The following FRMPD2 variants were observed in gnomAD, a reference collection of about 807,000 sequenced individuals.
FRMPD2 encodes FERM and PDZ domain-containing protein 2.
A neutral mutation model predicts 140.1 loss-of-function variants in FRMPD2; 96 were observed. The observed-to-expected ratio is 0.69, with a 90% CI of 0.58 to 0.81. FRMPD2 has a LOEUF of 0.81. Among genes scored for constraint, FRMPD2 ranks in the 40% least tolerant of loss-of-function variants. The pLI is 0.00. For synonymous variants in FRMPD2, 449 were observed against 547.6 expected (o/e 0.82, Z 2.52); for missense variants, 1,240 against 1,447.4 (o/e 0.86, Z 2.32).
At position 48,222,294 on chromosome 10, in the gene FRMPD2, C is replaced by G. The variant is rs768307400; in HGVS notation, c.1455+19G>C. Reference sequence around the variant, plus strand: ...TTTTCCAGTGACCCCACACAAAGGCCCCTGGTGTTCACCCCTACCTCCTTA... The same window carrying G: ...TTTTCCAGTGACCCCACACAAAGGCGCCTGGTGTTCACCCCTACCTCCTTA... On this transcript the variant is annotated intron_variant, in intron 12 of 28. Transcript: ENST00000374201. The G allele has an allele frequency of 3.7e-6, 6 of 1,610,726 alleles. No individual in the cohort carries two copies. The South Asian group carries it at 5.5e-5, about 15-fold the overall frequency.
chr10:48,238,542 T>C (rs749041151), intron 7 of FRMPD2, among the ~76,000 whole-genome samples: 1 of 152,206 alleles, frequency 6.6e-6, no homozygotes, highest in Non-Finnish European at 1.5e-5. Flanking sequence ...ATTGTTTTCA[T>C]TGGGAAAATA....
At chr10:48,265,445 G>A (rs1427766670) in intron 1 of FRMPD2, among the ~76,000 whole-genome samples, 3 of 151,972 alleles carry the variant, frequency 2.0e-5, no homozygotes, top group African/African-American at 4.8e-5. Flanking sequence ...CAGAGTAGGG[G>A]AAAATATTTG....
At chr10:48,181,885 C>CAT (rs1217214141) in intron 20 of FRMPD2, among the ~76,000 whole-genome samples, 2 of 6,230 alleles carry the variant, frequency 3.2e-4, no homozygotes. Context: ...ATATGGCTCT[C>CAT]ATACACACAC....
In FRMPD2 at chr10:48,192,904, G is replaced by A. The variant is rs1564420804; in HGVS notation, c.1955-10C>T. ...ACAAACTTATCATGGTCTGAATTTG[G>A]GGAGAAAAACATAGACATACACACA... On this transcript the variant is annotated splice_polypyrimidine_tract_variant and intron_variant, in intron 15 of 28. Transcript: ENST00000374201. 1 of 1,606,504 alleles carries A rather than the reference G, an allele frequency of 6.2e-7. No individual in the cohort carries two copies.
At chr10:48,209,240 A>C (rs76766829) in intron 13 of FRMPD2, among the ~76,000 whole-genome samples, 2,219 of 152,368 alleles carry the variant, frequency 0.015, 55 homozygotes, top group African/African-American at 0.048. Context: ...TGATTTCAAT[A>C]GCAAGAAAAA....
chr10:48,210,140 C>A (rs1781194965), intron 13 of FRMPD2, among the ~76,000 whole-genome samples: 1 of 152,016 alleles, frequency 6.6e-6, no homozygotes, highest in Non-Finnish European at 1.5e-5. Context: ...GGGAGAAAAC[C>A]TTTAACAAAC....
intron 10 of FRMPD2, among the ~76,000 whole-genome samples, chr10:48,229,550 T>C (rs1839801316): frequency 6.6e-6 from 1 of 152,162 alleles, no homozygotes; most frequent in Non-Finnish European, 1.5e-5. Context: ...TTAAAATGCA[T>C]GGGAAACATT....
At chr10:48,254,441 C>T (rs759646780) in intron 1 of FRMPD2, among the ~76,000 whole-genome samples, 14 of 152,244 alleles carry the variant, frequency 9.2e-5, no homozygotes, top group Non-Finnish European at 2.1e-4. Context: ...CTCCCTGTCC[C>T]TTGCTTACCA....
intron 1 of FRMPD2, among the ~76,000 whole-genome samples, chr10:48,255,954 C>T (rs991661158): frequency 6.6e-6 from 1 of 152,210 alleles, no homozygotes; most frequent in Non-Finnish European, 1.5e-5. Context: ...TGCCCGCAGA[C>T]CTCTTAGGCC....
chr10:48,222,806 A>G (rs1354991358), intron 11 of FRMPD2, among the ~76,000 whole-genome samples: 2 of 152,116 alleles, frequency 1.3e-5, no homozygotes, highest in Non-Finnish European at 2.9e-5. Context: ...TCCAACCCTC[A>G]TGACTGGGCT....
intron 20 of FRMPD2, among the ~76,000 whole-genome samples, chr10:48,181,858 C>CATATATATATATATAT (rs35165586): frequency 0.057 from 4,552 of 79,196 alleles, 476 homozygotes; most frequent in African/African-American, 0.14. Flanking sequence ...TATATTCCCT[C>CATATATATATATATAT]ATATATATAT....
At chr10:48,250,651 A>T (rs1406830665) in intron 2 of FRMPD2, among the ~76,000 whole-genome samples, 1 of 151,388 alleles carries the variant, frequency 6.6e-6, no homozygotes, top group Non-Finnish European at 1.5e-5. Flanking sequence ...CAGGTGATCC[A>T]CCCGCCTCGG....
Position 48,238,033 on chromosome 10 carries a change from T to C in FRMPD2, c.879A>G (p.Pro293=). ...GAAAACCCCTCTGAGAAGGAGTTGT[T>C]GGCCATGAGCTGTCTGCTGCCGAGT... is the stretch of plus-strand genomic sequence containing the variant. ...SVHSAADSSW[P]TTPSQRGFLQ... Residue 293 remains proline (P), a synonymous_variant, in exon 8 of 29, where the codon CCA becomes CCG. Coordinates refer to ENST00000374201, the MANE Select transcript of FRMPD2 (RefSeq NM_001018071.4). The C allele has an allele frequency of 6.2e-7, 1 of 1,614,172 alleles. No individual in the cohort carries two copies. Among genetic ancestry groups the C allele is most frequent in the Non-Finnish European group, 8.5e-7 (1 of 1,180,040 alleles).
chr10:48,187,372 G>A, intron 16 of FRMPD2, 80 bp from the exon 17 acceptor site: 1 of 1,202,958 alleles, frequency 8.3e-7, no homozygotes, highest in Non-Finnish European at 1.2e-6. Context: ...GCTCAGGGAG[G>A]CAACTTCTTG....
intron 12 of FRMPD2, among the ~76,000 whole-genome samples, chr10:48,215,642 G>A (rs1043772350): frequency 6.6e-6 from 1 of 152,144 alleles, no homozygotes; most frequent in Admixed American, 6.5e-5. Context: ...CTGCCTTTGG[G>A]GGCCACATGG....
At position 48,211,998 on chromosome 10, in the gene FRMPD2, T is replaced by G; in HGVS notation, c.1567A>C (p.Ser523Arg). The G allele has an allele frequency of 6.2e-7, 1 of 1,614,116 alleles. No homozygotes were observed. Among genetic ancestry groups the G allele is most frequent in the Non-Finnish European group, 8.5e-7 (1 of 1,180,008 alleles). Reference sequence around the variant, plus strand: ...GCATCCTCTCCCCACAGTGCAGAGCTGAGCCGGTGCATCTCTGAGACTTCA... The same window carrying G: ...GCATCCTCTCCCCACAGTGCAGAGCGGAGCCGGTGCATCTCTGAGACTTCA... ...QVEVSEMHRL[S>R]SALWGEDAEL... Residue 523 changes from serine to arginine, a missense_variant, in exon 13 of 29, where the codon AGC becomes CGC. Physicochemically the swap from Ser to Arg is moderately radical, Grantham distance 110. Around this residue, in one of 6 missense-constraint regions of FRMPD2, gnomAD observed 1,161 missense variants for 1,055.9 expected, o/e 1.10. Coordinates refer to ENST00000374201, the MANE Select transcript of FRMPD2 (RefSeq NM_001018071.4).
chr10:48,222,194 T>A, intron 12 of FRMPD2, 119 bp downstream of exon 12: 1 of 971,736 alleles, frequency 1.0e-6, no homozygotes, highest in Non-Finnish European at 1.5e-6. Flanking sequence ...TTTACTCCAA[T>A]CTAGCTGGTA....
intron 12 of FRMPD2, among the ~76,000 whole-genome samples, chr10:48,216,340 T>C (rs1839450352): frequency 6.6e-6 from 1 of 151,910 alleles, no homozygotes; most frequent in Non-Finnish European, 1.5e-5. Flanking sequence ...GATAAATAGA[T>C]GGATATCTTA....
At chr10:48,222,125 G>GTT in intron 12 of FRMPD2, among the ~76,000 whole-genome samples, 188 bp downstream of exon 12, 1 of 135,294 alleles carries the variant, frequency 7.4e-6, no homozygotes, top group Admixed American at 8.2e-5. Context: ...TCAATGAATA[G>GTT]GTGGATGGAT....
Sources: allele counts gnomAD v4.1 joint callset (sites outside exome capture counted in the v4.1 genomes callset), GRCh38; gene constraint gnomAD v4.1.1; regional missense constraint gnomAD v4.1.1; transcripts MANE v1.5; gene names NCBI Gene and HGNC (gene_info 2026-07-23, HGNC 2026-07-21).